CAMSAP3: variants seen among roughly 807,000 people sequenced by gnomAD.
CAMSAP3 encodes the protein calmodulin-regulated spectrin-associated protein 3.
A neutral mutation model predicts 112.5 loss-of-function variants in CAMSAP3; 34 were observed. The observed-to-expected ratio is 0.30, with a 90% CI of 0.23 to 0.40. The LOEUF (loss-of-function observed/expected upper bound fraction) is 0.40, where lower values mean the gene tolerates loss of function less well. Among genes scored for constraint, CAMSAP3 ranks in the 10% least tolerant of loss-of-function variants. The pLI, the probability that CAMSAP3 is intolerant of heterozygous loss-of-function variation, is 1.00. For missense variants in CAMSAP3, 1,602 were observed against 1,770.3 expected (o/e 0.90, Z 1.71); for synonymous variants, 868 against 799.8 (o/e 1.09, Z -1.44).
intron 1 of CAMSAP3, among the ~76,000 whole-genome samples, chr19:7,599,632 TCATC>T (rs2029866534): frequency 1.3e-4 from 1 of 7,796 alleles, no homozygotes. Context: ...CCCACCCCAC[TCATC>T]CATCCACCCA....
chr19:7,613,117 C>T lies in CAMSAP3; in HGVS notation c.2624C>T (p.Ala875Val), dbSNP rs1300146609. Reference sequence around the variant, plus strand: ...GCTGAGGATTCCTTGGAGGAGGAGGCGTCTTCGGAGGGGGAGCCCCGGGTG... The same window carrying T: ...GCTGAGGATTCCTTGGAGGAGGAGGTGTCTTCGGAGGGGGAGCCCCGGGTG... ...AGAEDSLEEE[A>V]SSEGEPRVGL... The change falls in exon 11 of 17, where the codon GCG becomes GTG. Residue 875 changes from alanine (A) to valine (V), a missense_variant. By Grantham distance (64) the Ala-to-Val change is moderately conservative. Around this residue, in one of 6 missense-constraint regions of CAMSAP3, gnomAD observed 1,100 missense variants for 1,135.7 expected, o/e 0.97. Transcript: ENST00000160298. The T allele has an allele frequency of 9.1e-6, 14 of 1,542,334 alleles. No individual in the cohort carries two copies. Among genetic ancestry groups the T allele is most frequent in the East Asian group, 7.4e-5 (3 of 40,584 alleles).
chr19:7,617,797 G>A lies in CAMSAP3; in HGVS notation c.3490G>A (p.Asp1164Asn), dbSNP rs771396910. ...CAACCACTTCCTGATCCTCTTTCGC[G>A]ACTCGAGCTGCCAGTTCCGGGCGCT... ...KANHFLILFRDSSCQFRALYT... is the reference protein window; with the variant it reads ...KANHFLILFRNSSCQFRALYT... The change falls in exon 17 of 17, where the codon GAC becomes AAC. Residue 1164 changes from aspartate (D) to asparagine (N), a missense_variant. Physicochemically the swap from Asp to Asn is conservative, Grantham distance 23. This residue lies in a region of CAMSAP3 where 150 missense variants were observed against 207.6 expected (regional missense o/e 0.72). Coordinates refer to ENST00000160298, the MANE Select transcript of CAMSAP3 (RefSeq NM_020902.2). The surrounding 1 kb of genome is among the most constrained non-coding windows in gnomAD (Gnocchi z 7.5). 18 of 1,613,116 alleles carry A rather than the reference G, an allele frequency of 1.1e-5. No homozygotes were observed. The highest frequency in any genetic ancestry group is 1.3e-5 in the African/African-American group (1 of 74,768).
chr19:7,601,321 T>C (rs1226055019), intron 1 of CAMSAP3, among the ~76,000 whole-genome samples: 4 of 132,882 alleles, frequency 3.0e-5, no homozygotes, highest in Admixed American at 2.4e-4. Context: ...ATTATATTTC[T>C]TTTTTTTTTC....
chr19:7,614,333 T>G (rs889486643), intron 11 of CAMSAP3, among the ~76,000 whole-genome samples: 12 of 134,244 alleles, frequency 8.9e-5, no homozygotes, highest in African/African-American at 3.1e-4. Flanking sequence ...ATTTTTTTTT[T>G]TTGTTTTGTT....
At chr19:7,603,218 C>CTTTT in intron 1 of CAMSAP3, among the ~76,000 whole-genome samples, 1 of 141,336 alleles carries the variant, frequency 7.1e-6, no homozygotes, top group East Asian at 2.0e-4. Context: ...TTCTTTCTTT[C>CTTTT]TTTTTTTTTT....
intron 11 of CAMSAP3, chr19:7,614,896 CTG>C: frequency 3.6e-6 from 2 of 547,994 alleles, no homozygotes; most frequent in South Asian, 4.1e-5. Context: ...TGTAGAGTGT[CTG>C]TGCCCAACAC....
chr19:7,615,486 C>T lies in CAMSAP3; in HGVS notation c.2879C>T (p.Pro960Leu). Residue 960 changes from proline (P) to leucine (L), a missense_variant, in exon 13 of 17, where the codon CCT (proline) becomes CTT (leucine). Physicochemically the swap from Pro to Leu is moderately conservative, Grantham distance 98 (BLOSUM62 -3). Coordinates refer to ENST00000160298, the MANE Select transcript of CAMSAP3 (RefSeq NM_020902.2). This position sits in a 1 kb window ranked among gnomAD's most constrained non-coding sequence, Gnocchi z 6.5. ...GCAGTCCCGATGGCGACTCCAGCCC[C>T]TGCTGCCCGGGCTCCAGCCGAGGAG... ...VSAVPMATPA[P>L]AARAPAEEEV... is the part of the protein sequence containing the mutation. The T allele has an allele frequency of 2.6e-6, 4 of 1,540,850 alleles. No homozygotes were observed. The highest frequency in any genetic ancestry group is 3.5e-6 in the Non-Finnish European group (4 of 1,145,748).
chr19:7,615,791 A>G lies in CAMSAP3; in HGVS notation c.3112+72A>G. ...CTCACTGGGTGAGGCCCCCATGGGT[A>G]AGGGGGGAGGGGGAGGGAGATGTAA... On this transcript the variant is annotated intron_variant, in intron 13 of 16. Coordinates refer to ENST00000160298, the MANE Select transcript of CAMSAP3 (RefSeq NM_020902.2). The surrounding 1 kb of genome is among the most constrained non-coding windows in gnomAD (Gnocchi z 6.5). 1.5e-6 allele frequency: 1 copy of G among 688,984 alleles called. No homozygotes were observed. The highest frequency in any genetic ancestry group is 1.8e-6 in the Non-Finnish European group (1 of 562,514). The allele number at this position is 688,984 out of a possible 1,614,324, so 42.7% of individuals were successfully genotyped here.
chr19:7,603,211 T>C (rs553317393), intron 1 of CAMSAP3, among the ~76,000 whole-genome samples: 1 of 150,830 alleles, frequency 6.6e-6, no homozygotes, highest in Non-Finnish European at 1.5e-5. Flanking sequence ...TTTTTTTTTC[T>C]TTCTTTCTTT....
chr19:7,609,891 G>C (rs2030386815), intron 5 of CAMSAP3, among the ~76,000 whole-genome samples: 2 of 152,140 alleles, frequency 1.3e-5, no homozygotes, highest in South Asian at 4.1e-4. Flanking sequence ...GACGGAAGCG[G>C]GGTTCGGGTG....
intron 1 of CAMSAP3, among the ~76,000 whole-genome samples, chr19:7,602,060 T>C (rs2029992943): frequency 6.9e-6 from 1 of 143,928 alleles, no homozygotes; most frequent in Non-Finnish European, 1.5e-5. Context: ...CAAGATTGTC[T>C]CAAAAAAAAA....
chr19:7,615,375 G>T lies in CAMSAP3; in HGVS notation c.2811-43G>T, dbSNP rs1374567625. On this transcript the variant is annotated intron_variant, in intron 12 of 16. Coordinates refer to ENST00000160298, the MANE Select transcript of CAMSAP3 (RefSeq NM_020902.2). The surrounding 1 kb of genome is among the most constrained non-coding windows in gnomAD (Gnocchi z 6.5). ...GCTCCTTGGCCTGTCTGCCACCGCG[G>T]ACCCCGTGAGCGGTTCTGATGCCGA... 1 of 1,533,920 alleles carries T rather than the reference G, an allele frequency of 6.5e-7. No homozygotes were observed. The highest frequency in any genetic ancestry group is 8.8e-7 in the Non-Finnish European group (1 of 1,138,206).
intron 1 of CAMSAP3, among the ~76,000 whole-genome samples, chr19:7,597,091 C>T (rs1052900236): frequency 2.2e-4 from 34 of 152,294 alleles, no homozygotes; most frequent in African/African-American, 7.5e-4. Flanking sequence ...CTGGGCTTTC[C>T]AGCGGGGAGC....
chr19:7,603,135 A>T (rs2030043526), intron 1 of CAMSAP3, among the ~76,000 whole-genome samples: 1 of 152,132 alleles, frequency 6.6e-6, no homozygotes, highest in Admixed American at 6.6e-5. Context: ...GGGTCCTCAC[A>T]GGTGGAGAAG....
Position 7,611,706 on chromosome 19 carries a change from G to A in CAMSAP3, c.1213G>A (p.Val405Met), listed in dbSNP as rs757669474. ...RQLSRPLSQAVSFSTPFGLDS... is the reference protein window; with the variant it reads ...RQLSRPLSQAMSFSTPFGLDS... ...GCCCAGCCGTCCCCTCTCCCAGGCT[G>A]TGTCATTCAGCACCCCCTTTGGCCT... is the stretch of plus-strand genomic sequence containing the variant. Residue 405 changes from valine to methionine, a missense_variant, in exon 11 of 17, where the codon GTG becomes ATG. Val to Met is a conservative substitution (Grantham distance 21, BLOSUM62 1). This residue lies in a region of CAMSAP3 where 1,100 missense variants were observed against 1,135.7 expected (regional missense o/e 0.97). Transcript: ENST00000160298. The surrounding 1 kb of genome is among the most constrained non-coding windows in gnomAD (Gnocchi z 6.9). The A allele has an allele frequency of 3.2e-6, 5 of 1,560,300 alleles. No individual in the cohort carries two copies. The highest frequency in any genetic ancestry group is 1.7e-4 in the Middle Eastern group (1 of 5,838).
rs774821513 is a variant in CAMSAP3, at chr19:7,615,204, G to C, written c.2692G>C (p.Glu898Gln). The part of the protein sequence containing the change: ...FYKDEDKPED[E>Q]MAQKRASLLE... ...CCAGGATGAAGACAAGCCTGAGGAC[G>C]AGATGGCCCAAAAGCGGGCCAGCCT... The change falls in exon 12 of 17, where the codon GAG (glutamate) becomes CAG (glutamine). Residue 898 changes from glutamate to glutamine, a missense_variant. Glu to Gln is a conservative substitution (Grantham distance 29, BLOSUM62 2). Around this residue, in one of 6 missense-constraint regions of CAMSAP3, gnomAD observed 1,100 missense variants for 1,135.7 expected, o/e 0.97. Coordinates refer to ENST00000160298, the MANE Select transcript of CAMSAP3 (RefSeq NM_020902.2). This position sits in a 1 kb window ranked among gnomAD's most constrained non-coding sequence, Gnocchi z 6.5. The C allele has an allele frequency of 5.1e-6, 8 of 1,554,084 alleles. No homozygotes were observed. The South Asian group carries it at 9.5e-5, about 18-fold the overall frequency.
Position 7,612,777 on chromosome 19 carries a change from C to G in CAMSAP3, c.2284C>G (p.Arg762Gly). The G allele has an allele frequency of 6.5e-7, 1 of 1,532,866 alleles. No individual in the cohort carries two copies. 95.0% of individuals were successfully genotyped at this position (1,532,866 alleles called of 1,614,324 possible). Residue 762 changes from arginine (R) to glycine (G), a missense_variant, in exon 11 of 17, where the codon CGA becomes GGA. Arg to Gly is a moderately radical substitution (Grantham distance 125). Around this residue, in one of 6 missense-constraint regions of CAMSAP3, gnomAD observed 1,100 missense variants for 1,135.7 expected, o/e 0.97. Transcript: ENST00000160298. ...AGCTGCATCCCCCAGCCCCGCCCGG[C>G]GAGTCCCGGCCACCCGGCGCAGCCC... ...PKAASPSPARRVPATRRSPGP... is the reference protein window; with the variant it reads ...PKAASPSPARGVPATRRSPGP...
chr19:7,612,010 C>T lies in CAMSAP3; in HGVS notation c.1517C>T (p.Ser506Phe), dbSNP rs954439767. 5.0e-6 allele frequency: 8 copies of T among 1,612,956 alleles called. No homozygotes were observed. Among genetic ancestry groups the T allele is most frequent in the Non-Finnish European group, 6.8e-6 (8 of 1,179,918 alleles). ...TCCCCCTACCTGCCCGAGGGGACCT[C>T]CAAACCACTGTCCGACAGGCCCACC... ...LASPYLPEGT[S>F]KPLSDRPTKA... Residue 506 changes from serine to phenylalanine, a missense_variant, in exon 11 of 17, where the codon TCC becomes TTC. Around this residue, in one of 6 missense-constraint regions of CAMSAP3, gnomAD observed 1,100 missense variants for 1,135.7 expected, o/e 0.97. Coordinates refer to ENST00000160298, the MANE Select transcript of CAMSAP3 (RefSeq NM_020902.2).
intron 1 of CAMSAP3, among the ~76,000 whole-genome samples, chr19:7,603,381 A>G (rs1165553042): frequency 1.3e-5 from 2 of 151,806 alleles, no homozygotes; most frequent in African/African-American, 4.8e-5. Flanking sequence ...TGCCCAGCTC[A>G]TTTTTGTATT....
Sources: allele counts gnomAD v4.1 joint callset (sites outside exome capture counted in the v4.1 genomes callset), GRCh38; gene constraint gnomAD v4.1.1; regional missense constraint gnomAD v4.1.1; non-coding constraint Gnocchi (gnomAD v3.1); transcripts MANE v1.5; gene names NCBI Gene and HGNC (gene_info 2026-07-23, HGNC 2026-07-21).